The following CTNNA3 variants were observed in gnomAD, a reference collection of about 807,000 sequenced individuals.
The protein encoded by CTNNA3 is catenin alpha-3.
A neutral mutation model predicts 95.7 loss-of-function variants in CTNNA3; 76 were observed. That is an observed-to-expected ratio of 0.79 (90% CI 0.66 to 0.96). The LOEUF (loss-of-function observed/expected upper bound fraction) is 0.96. CTNNA3 is among the 40% of genes least tolerant of loss of function. CTNNA3 has a pLI of 0.00. For synonymous variants in CTNNA3, 431 were observed against 374.4 expected, an observed-to-expected ratio of 1.15 and a Z score of -1.74; for missense variants, 1,191 against 1,089.8, an observed-to-expected ratio of 1.09 and a Z score of -1.31.
At chr10:66,406,741 T>C (rs2093060528) in intron 11 of CTNNA3, among the ~76,000 whole-genome samples, 1 of 152,128 alleles carries the variant, frequency 6.6e-6, no homozygotes, top group Admixed American at 6.6e-5. Context: ...GGATTACATC[T>C]GGACAATTCA....
Position 66,843,204 on chromosome 10 carries a change from A to T in CTNNA3, c.1048-67680T>A, listed in dbSNP as rs867856783. On this transcript the variant is annotated intron_variant, in intron 7 of 17. Transcript: ENST00000433211. ...GTCCAAAACCTGACATCTTCACTTT[A>T]TAAATGAGAAAACCAAGCTCAGGGG... Among the ~76,000 whole-genome samples, 11 of 152,188 alleles carry T rather than the reference A, an allele frequency of 7.2e-5. No individual in the cohort carries two copies. In the South Asian group the frequency reaches 2.3e-3, roughly 32 times the overall value.
intron 7 of CTNNA3, among the ~76,000 whole-genome samples, chr10:67,164,334 A>G (rs547576740): frequency 1.3e-5 from 2 of 152,240 alleles, no homozygotes; most frequent in East Asian, 3.9e-4. Context: ...TTGATTTTTC[A>G]CAAATATGCA....
chr10:67,369,355 A>C (rs1022612179), intron 5 of CTNNA3, among the ~76,000 whole-genome samples: 1 of 152,162 alleles, frequency 6.6e-6, no homozygotes, highest in Non-Finnish European at 1.5e-5. Flanking sequence ...TCCATACCTC[A>C]CATTATATCA....
In CTNNA3 at chr10:67,416,480, C is replaced by T. The variant is rs112955825; in HGVS notation, c.579+105362G>A. Among the ~76,000 whole-genome samples the T allele has an allele frequency of 8.3e-4, 126 of 151,544 alleles. 1 individual carries two copies. The highest frequency in any genetic ancestry group is 2.9e-3 in the African/African-American group (120 of 41,324). On this transcript the variant is annotated intron_variant, in intron 5 of 17. Coordinates refer to ENST00000433211, the MANE Select transcript of CTNNA3 (RefSeq NM_013266.4). ...AAAATTAGCCGGGCGTGGTGGCGGG[C>T]GCCTGTAGTCCCAGCTACTTGGGAG...
chr10:66,038,817 C>T (rs1214697198), intron 15 of CTNNA3, among the ~76,000 whole-genome samples: 1 of 152,080 alleles, frequency 6.6e-6, no homozygotes, highest in Non-Finnish European at 1.5e-5. Context: ...AGAAGCATTC[C>T]CCCTTGAAAA....
At chr10:67,284,845 G>A (rs1839534073) in intron 5 of CTNNA3, among the ~76,000 whole-genome samples, 1 of 152,040 alleles carries the variant, frequency 6.6e-6, no homozygotes, top group Non-Finnish European at 1.5e-5. Flanking sequence ...TAAAAATATT[G>A]AAAAAAGAAA....
intron 6 of CTNNA3, among the ~76,000 whole-genome samples, chr10:67,183,796 G>A (rs148036592): frequency 7.2e-5 from 11 of 152,060 alleles, no homozygotes; most frequent in Admixed American, 1.3e-4. Flanking sequence ...ATTTCTCAAC[G>A]TAAGCTCCAT....
chr10:66,955,095 G>T (rs1013170550), intron 7 of CTNNA3, among the ~76,000 whole-genome samples: 4 of 152,072 alleles, frequency 2.6e-5, no homozygotes, highest in Non-Finnish European at 5.9e-5. Context: ...AAAATAGAAG[G>T]AAGACTTCCT....
chr10:66,749,603 A>G (rs35487547), intron 9 of CTNNA3, among the ~76,000 whole-genome samples: 7 of 152,198 alleles, frequency 4.6e-5, no homozygotes, highest in Admixed American at 3.3e-4. Flanking sequence ...TTATTTATTC[A>G]TTCACCTACT....
chr10:66,123,696 G>A (rs1160843437), intron 13 of CTNNA3, among the ~76,000 whole-genome samples: 1 of 152,194 alleles, frequency 6.6e-6, no homozygotes, highest in African/African-American at 2.4e-5. Flanking sequence ...CTGAAATCTA[G>A]GTGGAGGTAC....
intron 13 of CTNNA3, among the ~76,000 whole-genome samples, chr10:66,136,393 C>A (rs577242000): frequency 3.3e-5 from 5 of 151,870 alleles, no homozygotes; most frequent in Admixed American, 1.3e-4. Context: ...ATGAGTAAGA[C>A]CAACAAAAAA....
At chr10:66,503,581 G>A (rs1840350618) in intron 11 of CTNNA3, among the ~76,000 whole-genome samples, 1 of 151,998 alleles carries the variant, frequency 6.6e-6, no homozygotes, top group Non-Finnish European at 1.5e-5. Flanking sequence ...CAATTCTGCT[G>A]CCTCAGCCTC....
At chr10:66,844,575 C>T (rs1843182760) in intron 7 of CTNNA3, among the ~76,000 whole-genome samples, 1 of 152,278 alleles carries the variant, frequency 6.6e-6, no homozygotes, top group South Asian at 2.1e-4. Context: ...CTCTTCTTCA[C>T]TCAGTGATTA....
chr10:67,516,803 TTCTCTGA>T (rs761409553), intron 5 of CTNNA3, among the ~76,000 whole-genome samples: 10 of 152,204 alleles, frequency 6.6e-5, no homozygotes, highest in Non-Finnish European at 1.2e-4. Context: ...TACCCTCTAC[TTCTCTGA>T]GTTTGACATT....
At chr10:66,439,878 A>G (rs182750018) in intron 11 of CTNNA3, among the ~76,000 whole-genome samples, 58 of 152,296 alleles carry the variant, frequency 3.8e-4, no homozygotes, top group African/African-American at 1.3e-3. Flanking sequence ...AAGCTGGTCA[A>G]TACCTCAAAG....
At chr10:65,980,488 C>A in intron 16 of CTNNA3, among the ~76,000 whole-genome samples, 1 of 147,842 alleles carries the variant, frequency 6.8e-6, no homozygotes. Flanking sequence ...TTTATGAAGC[C>A]AGTATAACTC....
chr10:66,822,226 G>A (rs1842328092), intron 7 of CTNNA3, among the ~76,000 whole-genome samples: 1 of 151,562 alleles, frequency 6.6e-6, no homozygotes, highest in Non-Finnish European at 1.5e-5. Context: ...AGCATAAATG[G>A]TGATTCTACG....
At chr10:66,243,532 C>T (rs919943979) in intron 13 of CTNNA3, among the ~76,000 whole-genome samples, 4 of 152,088 alleles carry the variant, frequency 2.6e-5, no homozygotes, top group East Asian at 1.9e-4. Context: ...AACCAATTGC[C>T]GAACAGAAAA....
intron 10 of CTNNA3, among the ~76,000 whole-genome samples, chr10:66,597,850 G>GACCT (rs1843779115): frequency 6.6e-6 from 1 of 151,712 alleles, no homozygotes; most frequent in Non-Finnish European, 1.5e-5. Flanking sequence ...ACCACCATTA[G>GACCT]ACCTACCTTA....
Sources: gnomAD v4.1 joint callset for allele counts (sites outside exome capture counted in the v4.1 genomes callset) on GRCh38, gnomAD v4.1.1 for gene constraint, MANE v1.5 for transcripts, NCBI Gene and HGNC (gene_info 2026-07-23, HGNC 2026-07-21) for gene names.